Variants in PTPN6 observed in about 807,000 individuals in gnomAD.
PTPN6 encodes the protein protein tyrosine phosphatase non-receptor type 6.
Under a neutral mutation model 81.5 loss-of-function variants are expected in PTPN6, and 18 were observed. The observed-to-expected ratio is 0.22, with a 90% CI of 0.15 to 0.33. PTPN6 has a LOEUF of 0.33. Among genes scored for constraint, PTPN6 ranks in the 10% least tolerant of loss-of-function variants. The probability of loss-of-function intolerance (pLI) is 1.00; values close to 1 mark genes in which losing one functional copy is unlikely to be tolerated. For missense variants in PTPN6, 500 were observed against 794.2 expected, an observed-to-expected ratio of 0.63 and a Z score of 4.45; for synonymous variants, 301 against 310.9, an observed-to-expected ratio of 0.97 and a Z score of 0.33.
At position 6,960,262 on chromosome 12, in the gene PTPN6, G is replaced by GCGGC; in HGVS notation, c.1581+23_1581+24insCGGC. ...CAGGTGCGTGCAGAGCAGGGCCTGG[G>GCGGC]GGGGGGGGGGGCTGCAGTGCAGGAT... On this transcript the variant is annotated intron_variant, in intron 13 of 15. Coordinates refer to ENST00000318974, the MANE Select transcript of PTPN6 (RefSeq NM_002831.6). The surrounding 1 kb of genome is among the most constrained non-coding windows in gnomAD (Gnocchi z 6.1). 1 of 1,505,964 alleles carries GCGGC rather than the reference G, an allele frequency of 6.6e-7. No homozygotes were observed. The highest frequency in any genetic ancestry group is 1.2e-5 in the South Asian group (1 of 86,640). 93.3% of individuals were successfully genotyped at this position (1,505,964 alleles called of 1,614,324 possible).
rs1946043130 is a variant in PTPN6, at chr12:6,956,984, C to T, written c.1074+416C>T. Among the ~76,000 whole-genome samples the T allele has an allele frequency of 1.3e-5, 2 of 152,196 alleles. No homozygotes were observed. Among genetic ancestry groups the T allele is most frequent in the Non-Finnish European group, 2.9e-5 (2 of 68,042 alleles). ...GTTCCTTCCTTTCTGAAATCTCTTCCATGGCTCCTGGTCACCTTTGGGATA... is the reference window on the plus strand; with the variant it reads ...GTTCCTTCCTTTCTGAAATCTCTTCTATGGCTCCTGGTCACCTTTGGGATA... On this transcript the variant is annotated intron_variant, in intron 9 of 15. Transcript: ENST00000318974. The surrounding 1 kb of genome is among the most constrained non-coding windows in gnomAD (Gnocchi z 4.1).
Position 6,957,811 on chromosome 12 carries a change from AT to A in PTPN6, c.1206+28del. 1 of 1,614,082 alleles carries A rather than the reference AT, an allele frequency of 6.2e-7. No homozygotes were observed. Among genetic ancestry groups the A allele is most frequent in the South Asian group, 1.1e-5 (1 of 91,086 alleles). ...GTGAGTGGCCCCCACGCCCTGCCCC[AT>A]TCCGGGAGTCCCTCCCTGGACTTGT... is the stretch of plus-strand genomic sequence containing the variant. On this transcript the variant is annotated intron_variant, in intron 10 of 15. Coordinates refer to ENST00000318974, the MANE Select transcript of PTPN6 (RefSeq NM_002831.6). This position sits in a 1 kb window ranked among gnomAD's most constrained non-coding sequence, Gnocchi z 6.5.
At position 6,961,121 on chromosome 12, in the gene PTPN6, G is replaced by A. The variant is rs782676587; in HGVS notation, c.*26-5G>A. ...TCTCACTCCCTCACTCCCTTCTCTT[G>A]GCAGCCTCAGCCCTGACCCTGTGGA... On this transcript the variant is annotated splice_region_variant and splice_polypyrimidine_tract_variant and intron_variant, in intron 15 of 15. Transcript: ENST00000318974. 4 of 1,049,586 alleles carry A rather than the reference G, an allele frequency of 3.8e-6. No individual in the cohort carries two copies. In the South Asian group the frequency reaches 4.6e-5, roughly 12 times the overall value. The allele number at this position is 1,049,586 out of a possible 1,614,324, so 65.0% of individuals were successfully genotyped here.
rs782347790 is a variant in PTPN6, at chr12:6,955,131, C to T, written c.517-20C>T. On this transcript the variant is annotated intron_variant, in intron 4 of 15. Transcript: ENST00000318974. The surrounding 1 kb of genome is among the most constrained non-coding windows in gnomAD (Gnocchi z 7.2). ...AGGGAGACTCAAGTCCTGTGAATGG[C>T]CTAATTTGGCTCCCCCCAGGGTGGA... The T allele has an allele frequency of 6.2e-7, 1 of 1,612,962 alleles. No individual in the cohort carries two copies. The highest frequency in any genetic ancestry group is 1.3e-5 in the African/African-American group (1 of 74,884).
upstream of PTPN6, among the ~76,000 whole-genome samples, chr12:6,947,800 A>G (rs1268321820): frequency 6.6e-6 from 1 of 151,894 alleles, no homozygotes; most frequent in African/African-American, 2.4e-5. Flanking sequence ...TGAGACCCGG[A>G]TGAGGAGGAA....
Position 6,951,603 on chromosome 12 carries a change from G to A in PTPN6, c.9-6G>A, listed in dbSNP as rs200900053. On this transcript the variant is annotated splice_region_variant and splice_polypyrimidine_tract_variant and intron_variant, in intron 1 of 15. Transcript: ENST00000318974. This position sits in a 1 kb window ranked among gnomAD's most constrained non-coding sequence, Gnocchi z 7.2. ...CCCTCCTCACTGCCCTGCCTGGGCC[G>A]CCCAGGTGGTTTCACCGAGACCTCA... 2.5e-3 allele frequency: 3,995 copies of A among 1,613,900 alleles called. 9 individuals carry two copies. Among genetic ancestry groups the A allele is most frequent in the Non-Finnish European group, 2.9e-3 (3,374 of 1,179,990 alleles).
chr12:6,955,861 C>T lies in PTPN6; in HGVS notation c.844+105C>T. 2 of 1,067,224 alleles carry T rather than the reference C, an allele frequency of 1.9e-6. No individual in the cohort carries two copies. The highest frequency in any genetic ancestry group is 2.9e-6 in the Non-Finnish European group (2 of 699,676). The allele number at this position is 1,067,224 out of a possible 1,614,324, so 66.1% of individuals were successfully genotyped here. ...CTCCACGCCAGGAGGGGCCATCTCC[C>T]CACACCCCCCACAGAGCCTCCCCCT... On this transcript the variant is annotated intron_variant, in intron 7 of 15. Transcript: ENST00000318974. This position sits in a 1 kb window ranked among gnomAD's most constrained non-coding sequence, Gnocchi z 7.2.
chr12:6,959,812 A>G lies in PTPN6; in HGVS notation c.1362-115A>G, dbSNP rs1286769524. 8 of 1,128,638 alleles carry G rather than the reference A, an allele frequency of 7.1e-6. No individual in the cohort carries two copies. The highest frequency in any genetic ancestry group is 1.1e-5 in the Non-Finnish European group (8 of 751,228). 69.9% of individuals were successfully genotyped at this position (1,128,638 alleles called of 1,614,324 possible). A position where few individuals can be genotyped will look rare whatever the true frequency, so the allele number is the denominator to read the frequency against. ...GGTGACCCTGGGCACATTCCCTCCC[A>G]TCACTGGAGGCTCAGGCTGCTCCTG... On this transcript the variant is annotated intron_variant, in intron 11 of 15. Coordinates refer to ENST00000318974, the MANE Select transcript of PTPN6 (RefSeq NM_002831.6). This position sits in a 1 kb window ranked among gnomAD's most constrained non-coding sequence, Gnocchi z 6.6.
upstream of PTPN6, chr12:6,946,684 C>A: frequency 6.3e-7 from 1 of 1,582,758 alleles, no homozygotes. Context: ...CAGCCCCGCC[C>A]CCTGCGGCCC....
In PTPN6 at chr12:6,954,814, T is replaced by C. The variant is rs782589460; in HGVS notation, c.336T>C (p.His112=). 70 of 1,613,838 alleles carry C rather than the reference T, an allele frequency of 4.3e-5. No homozygotes were observed. Among genetic ancestry groups the C allele is most frequent in the Non-Finnish European group, 5.5e-5 (65 of 1,180,026 alleles). The change falls in exon 4 of 16, where the codon CAT becomes CAC. Residue 112 remains histidine, a synonymous_variant. Transcript: ENST00000318974. This position sits in a 1 kb window ranked among gnomAD's most constrained non-coding sequence, Gnocchi z 5.4. ...ACGCTGCCTTCTCTAGGTGGTACCA[T>C]GGCCACATGTCTGGCGGGCAGGCAG... ...CSDPTSERWY[H]GHMSGGQAET...
upstream of PTPN6, chr12:6,946,798 C>G: frequency 6.5e-7 from 1 of 1,530,680 alleles, no homozygotes; most frequent in Non-Finnish European, 9.0e-7. Flanking sequence ...GGAGGGAGGG[C>G]TTTGTTGATG....
upstream of PTPN6, chr12:6,946,837 C>T (rs782622406): frequency 4.6e-6 from 6 of 1,300,108 alleles, no homozygotes; most frequent in South Asian, 2.5e-5. Flanking sequence ...AACGTGAGTG[C>T]GATCTGCCGC....
At position 6,958,051 on chromosome 12, in the gene PTPN6, G is replaced by A; in HGVS notation, c.1339G>A (p.Gly447Arg). Residue 447 changes from glycine (G) to arginine (R), a missense_variant, in exon 11 of 16, where the codon GGG becomes AGG. By Grantham distance (125) the Gly-to-Arg change is moderately radical (BLOSUM62 -2). Coordinates refer to ENST00000318974, the MANE Select transcript of PTPN6 (RefSeq NM_002831.6). ...NQRQESLPHA[G>R]PIIVHCSAGI... ...GCGGCAGGAAAGTCTGCCTCACGCA[G>A]GGCCCATCATCGTGCACTGCAGGTG... is the stretch of plus-strand genomic sequence containing the variant. 6.2e-7 allele frequency: 1 copy of A among 1,612,470 alleles called. No homozygotes were observed. Among genetic ancestry groups the A allele is most frequent in the Non-Finnish European group, 8.5e-7 (1 of 1,180,020 alleles).
chr12:6,951,262 C>T, upstream of PTPN6: 1 of 1,442,314 alleles, frequency 6.9e-7, no homozygotes, highest in Non-Finnish European at 9.1e-7. The surrounding 1 kb of genome is among the most constrained non-coding windows in gnomAD (Gnocchi z 7.2). Context: ...GCTTCTCTTC[C>T]CTTGCTGTGC....
Position 6,954,979 on chromosome 12 carries a change from C to G in PTPN6, c.501C>G (p.Ile167Met). ...GPGSPLRVTH[I>M]KVMCEGGRYT... ...GCTCCCCGCTCAGGGTCACCCACAT[C>G]AAGGTCATGTGCGAGGTAAGGCAGC... The change falls in exon 4 of 16, where the codon ATC (isoleucine) becomes ATG (methionine). Residue 167 changes from isoleucine to methionine, a missense_variant. Physicochemically the swap from Ile to Met is conservative, Grantham distance 10. This residue lies in a region of PTPN6 where 96 missense variants were observed against 137.3 expected (regional missense o/e 0.70). Transcript: ENST00000318974. This position sits in a 1 kb window ranked among gnomAD's most constrained non-coding sequence, Gnocchi z 5.4. 1 of 1,614,110 alleles carries G rather than the reference C, an allele frequency of 6.2e-7. No homozygotes were observed. Among genetic ancestry groups the G allele is most frequent in the Non-Finnish European group, 8.5e-7 (1 of 1,180,026 alleles).
chr12:6,960,984 C>T lies in PTPN6; in HGVS notation c.*25+39C>T. ...GCCTGGGTGTCCTCCCTGCCCTGCCCTGTGTCCTTGGCTCCACTGCCTTCC... is the reference window on the plus strand; with the variant it reads ...GCCTGGGTGTCCTCCCTGCCCTGCCTTGTGTCCTTGGCTCCACTGCCTTCC... On this transcript the variant is annotated intron_variant, in intron 15 of 15. Coordinates refer to ENST00000318974, the MANE Select transcript of PTPN6 (RefSeq NM_002831.6). The surrounding 1 kb of genome is among the most constrained non-coding windows in gnomAD (Gnocchi z 6.1). The T allele has an allele frequency of 6.4e-7, 1 of 1,550,510 alleles. No homozygotes were observed. Among genetic ancestry groups the T allele is most frequent in the Non-Finnish European group, 8.7e-7 (1 of 1,147,434 alleles).
chr12:6,950,202 G>A, upstream of PTPN6, among the ~76,000 whole-genome samples: 1 of 151,292 alleles, frequency 6.6e-6, no homozygotes, highest in Non-Finnish European at 1.5e-5. Context: ...TAAAGGTAAT[G>A]CATGCCCATC....
At position 6,959,890 on chromosome 12, in the gene PTPN6, T is replaced by C; in HGVS notation, c.1362-37T>C. On this transcript the variant is annotated intron_variant, in intron 11 of 15. Coordinates refer to ENST00000318974, the MANE Select transcript of PTPN6 (RefSeq NM_002831.6). The surrounding 1 kb of genome is among the most constrained non-coding windows in gnomAD (Gnocchi z 6.6). ...GGGTACCCCCCTTCCCGGGGAGGGC[T>C]TGACTGGCCTCTGATGGCACCCCCG... 6.2e-7 allele frequency: 1 copy of C among 1,609,556 alleles called. No homozygotes were observed. The highest frequency in any genetic ancestry group is 8.5e-7 in the Non-Finnish European group (1 of 1,178,798).
rs1374753878 is a variant in PTPN6, at chr12:6,956,306, T to A, written c.924+85T>A. On this transcript the variant is annotated intron_variant, in intron 8 of 15. Coordinates refer to ENST00000318974, the MANE Select transcript of PTPN6 (RefSeq NM_002831.6). The surrounding 1 kb of genome is among the most constrained non-coding windows in gnomAD (Gnocchi z 4.1). ...GGGGGACCCTAGATCCAGAGACAGCTGGGCAAAGCCGAAGCTGGCTTCTTG... is the reference window on the plus strand; with the variant it reads ...GGGGGACCCTAGATCCAGAGACAGCAGGGCAAAGCCGAAGCTGGCTTCTTG... 1 of 1,609,906 alleles carries A rather than the reference T, an allele frequency of 6.2e-7. No homozygotes were observed. The highest frequency in any genetic ancestry group is 2.2e-5 in the East Asian group (1 of 44,876).
Sources: allele counts gnomAD v4.1 joint callset (sites outside exome capture counted in the v4.1 genomes callset), GRCh38; gene constraint gnomAD v4.1.1; regional missense constraint gnomAD v4.1.1; non-coding constraint Gnocchi (gnomAD v3.1); transcripts MANE v1.5; gene names NCBI Gene and HGNC (gene_info 2026-07-23, HGNC 2026-07-21).